Variants in RPS6KC1 observed in about 807,000 individuals in gnomAD.
The protein encoded by RPS6KC1 is ribosomal protein S6 kinase C1.
Under a neutral mutation model 103.8 loss-of-function variants are expected in RPS6KC1, and 54 were observed. The ratio of observed to expected loss-of-function variants is 0.52; its 90% confidence interval spans 0.42 to 0.65. RPS6KC1 has a LOEUF of 0.65. Among genes scored for constraint, RPS6KC1 ranks in the 30% least tolerant of loss-of-function variants. RPS6KC1 has a pLI of 0.00. For missense variants in RPS6KC1, 1,151 were observed against 1,253.8 expected (o/e 0.92, Z 1.24); for synonymous variants, 439 against 438.7 (o/e 1.00, Z -0.01).
the RPS6KC1 span, among the ~76,000 whole-genome samples, chr1:213,577,845 G>A: frequency 3.9e-5 from 6 of 152,236 alleles, no homozygotes; most frequent in Non-Finnish European, 7.3e-5. Flanking sequence ...GAGCATGAAA[G>A]TTTGGAAAAT....
chr1:213,123,477 T>C (rs2084629105), intron 5 of RPS6KC1, among the ~76,000 whole-genome samples: 2 of 152,152 alleles, frequency 1.3e-5, no homozygotes, highest in South Asian at 4.1e-4. Context: ...TGAAGCATAA[T>C]AGACATGACC....
At chr1:213,333,555 T>C in the RPS6KC1 span, among the ~76,000 whole-genome samples, 2 of 152,220 alleles carry the variant, frequency 1.3e-5, no homozygotes, top group Admixed American at 1.3e-4. Flanking sequence ...AGGTATGGTG[T>C]AGCCAGGGGA....
chr1:213,073,750 A>G (rs2079071049), intron 2 of RPS6KC1, among the ~76,000 whole-genome samples: 2 of 152,198 alleles, frequency 1.3e-5, no homozygotes, highest in South Asian at 2.1e-4. Flanking sequence ...ATCTTGGCTC[A>G]CTGCAACCTC....
intron 5 of RPS6KC1, among the ~76,000 whole-genome samples, chr1:213,118,940 T>G (rs532416060): frequency 2.6e-5 from 4 of 152,222 alleles, no homozygotes; most frequent in African/African-American, 9.6e-5. Context: ...GTGACCTATT[T>G]TAATCAGAGA....
chr1:213,250,841 T>A (rs2094532593), intron 12 of RPS6KC1, among the ~76,000 whole-genome samples: 1 of 152,244 alleles, frequency 6.6e-6, no homozygotes, highest in Non-Finnish European at 1.5e-5. Context: ...AAAAATTGTC[T>A]CTGTATTTAA....
At chr1:213,692,177 C>T in the RPS6KC1 span, among the ~76,000 whole-genome samples, 771 of 152,220 alleles carry the variant, frequency 5.1e-3, 6 homozygotes, top group African/African-American at 0.018. Flanking sequence ...CCAAGACAGA[C>T]AGATCACTTG....
At chr1:213,148,686 G>A (rs1297103878) in intron 6 of RPS6KC1, among the ~76,000 whole-genome samples, 1 of 152,018 alleles carries the variant, frequency 6.6e-6, no homozygotes. Context: ...GGGTAATACT[G>A]GCCTCATAGA....
At chr1:213,145,881 C>T (rs1178439323) in intron 6 of RPS6KC1, among the ~76,000 whole-genome samples, 1 of 149,056 alleles carries the variant, frequency 6.7e-6, no homozygotes, top group Non-Finnish European at 1.5e-5. Context: ...CAATTACACG[C>T]TATGTTTTTA....
the RPS6KC1 span, among the ~76,000 whole-genome samples, chr1:213,614,908 T>C: frequency 6.6e-6 from 1 of 152,192 alleles, no homozygotes; most frequent in Admixed American, 6.5e-5. Context: ...ACAGGTCTTA[T>C]GATGTTGCCT....
intron 8 of RPS6KC1, among the ~76,000 whole-genome samples, chr1:213,212,520 A>G (rs1307988385): frequency 6.6e-6 from 1 of 152,218 alleles, no homozygotes; most frequent in Admixed American, 6.5e-5. Context: ...TTTGGCAATT[A>G]TGAATGAAGT....
intron 8 of RPS6KC1, among the ~76,000 whole-genome samples, chr1:213,219,229 A>G (rs569518709): frequency 1.3e-5 from 2 of 152,386 alleles, no homozygotes; most frequent in South Asian, 4.1e-4. Context: ...AAAAGAAGAC[A>G]TTTATGCAGC....
the RPS6KC1 span, among the ~76,000 whole-genome samples, chr1:213,426,374 C>T: frequency 6.6e-6 from 1 of 152,116 alleles, no homozygotes; most frequent in African/African-American, 2.4e-5. Context: ...ACCTCATGCC[C>T]TCGGGGACTG....
chr1:213,376,918 G>A, the RPS6KC1 span, among the ~76,000 whole-genome samples: 2 of 152,200 alleles, frequency 1.3e-5, no homozygotes, highest in African/African-American at 2.4e-5. Flanking sequence ...AGAAGAATGA[G>A]GTGGAGGGCT....
chr1:213,578,831 A>G, the RPS6KC1 span, among the ~76,000 whole-genome samples: 1 of 152,004 alleles, frequency 6.6e-6, no homozygotes, highest in Non-Finnish European at 1.5e-5. Flanking sequence ...TGGACTGTGG[A>G]CTTTTGAGTT....
chr1:213,787,196 G>A, the RPS6KC1 span, among the ~76,000 whole-genome samples: 1 of 152,210 alleles, frequency 6.6e-6, no homozygotes, highest in African/African-American at 2.4e-5. Flanking sequence ...GTTAGGCCTT[G>A]TCCTAGGTAG....
chr1:213,627,406 C>A, the RPS6KC1 span, among the ~76,000 whole-genome samples: 5 of 152,008 alleles, frequency 3.3e-5, no homozygotes, highest in African/African-American at 7.3e-5. Flanking sequence ...TAATTGAATA[C>A]CCTTTATTTC....
chr1:213,697,044 A>T, the RPS6KC1 span, among the ~76,000 whole-genome samples: 1 of 152,198 alleles, frequency 6.6e-6, no homozygotes, highest in Admixed American at 6.5e-5. Context: ...AGGTTTAATT[A>T]ATTTGCTAAA....
the RPS6KC1 span, among the ~76,000 whole-genome samples, chr1:213,752,847 G>T: frequency 1.3e-5 from 2 of 151,580 alleles, no homozygotes; most frequent in Non-Finnish European, 2.9e-5. Context: ...TGTCCACTTA[G>T]ACTCCTTCCC....
At chr1:213,195,189 G>GGAA (rs1182048454) in intron 8 of RPS6KC1, among the ~76,000 whole-genome samples, 1 of 152,116 alleles carries the variant, frequency 6.6e-6, no homozygotes, top group Non-Finnish European at 1.5e-5. Flanking sequence ...GCATCCTGGT[G>GGAA]GAACACTTCT....
Sources: allele counts gnomAD v4.1 joint callset (sites outside exome capture counted in the v4.1 genomes callset), GRCh38; gene constraint gnomAD v4.1.1; transcripts MANE v1.5; gene names NCBI Gene and HGNC (gene_info 2026-07-23, HGNC 2026-07-21).